Variants in HROB observed in about 807,000 individuals in gnomAD.
HROB encodes homologous recombination factor with OB-fold, also known as homologous recombination OB-fold protein.
In HROB, 44 loss-of-function variants were observed where a neutral mutation model predicts 61.0. The ratio of observed to expected loss-of-function variants is 0.72; its 90% CI spans 0.57 to 0.93. HROB has a LOEUF of 0.93. HROB is among the 40% of genes least tolerant of loss of function. The pLI is 0.00. For missense variants in HROB, 716 were observed against 796.2 expected, an observed-to-expected ratio of 0.90 and a Z score of 1.21; for synonymous variants, 301 against 310.4, an observed-to-expected ratio of 0.97 and a Z score of 0.32.
chr17:44,161,737 C>T, intron 9 of HROB, 134 bp from the exon 10 acceptor site: 1 of 879,662 alleles, frequency 1.1e-6, no homozygotes, highest in Non-Finnish European at 1.9e-6. Flanking sequence ...GGCATGGGTA[C>T]CACTGCCTGG....
intron 2 of HROB, among the ~76,000 whole-genome samples, chr17:44,146,647 C>T (rs2053618612): frequency 6.6e-6 from 1 of 152,158 alleles, no homozygotes; most frequent in Non-Finnish European, 1.5e-5. Flanking sequence ...AAAAGACCAT[C>T]AACCTCCAGA....
chr17:44,160,446 G>A (rs1408864948), intron 9 of HROB, among the ~76,000 whole-genome samples: 4 of 152,210 alleles, frequency 2.6e-5, no homozygotes, highest in Middle Eastern at 3.4e-3. Context: ...GCGGGCGCCT[G>A]TAGTCCAGCT....
In HROB at chr17:44,155,383, T is replaced by A. The variant is rs375554592; in HGVS notation, c.1742T>A (p.Phe581Tyr). 6.2e-7 allele frequency: 1 copy of A among 1,614,028 alleles called. No homozygotes were observed. The highest frequency in any genetic ancestry group is 1.3e-5 in the African/African-American group (1 of 74,916). Reference protein sequence around the residue: ...IYSPDSGDGSFLKPSQPFPKD... With the variant: ...IYSPDSGDGSYLKPSQPFPKD... ...AGCCCGGATTCTGGGGATGGGAGCTTCCTCAAGCCATCTCAGCCCTTCCCC... is the reference window on the plus strand; with the variant it reads ...AGCCCGGATTCTGGGGATGGGAGCTACCTCAAGCCATCTCAGCCCTTCCCC... The change falls in exon 8 of 10, where the codon TTC (phenylalanine) becomes TAC (tyrosine). Residue 581 changes from phenylalanine to tyrosine, a missense_variant. Coordinates refer to ENST00000585683, the MANE Select transcript of HROB (RefSeq NM_001171251.3).
intron 9 of HROB, among the ~76,000 whole-genome samples, chr17:44,159,739 C>T (rs1206351723): frequency 2.0e-5 from 3 of 152,196 alleles, no homozygotes; most frequent in Non-Finnish European, 2.9e-5. Flanking sequence ...CATATGTCAG[C>T]GTTTTTTCTG....
At chr17:44,157,405 CTTTTTTTTTTTTT>C (rs71160088) in intron 8 of HROB, among the ~76,000 whole-genome samples, 1 of 81,484 alleles carries the variant, frequency 1.2e-5, no homozygotes, top group Admixed American at 1.4e-4. Flanking sequence ...CATCATGTTT[CTTTTTTTTTTTTT>C]TTTTTTTTTT....
At chr17:44,155,654 G>A (rs2053949649) in intron 8 of HROB, among the ~76,000 whole-genome samples, 1 of 152,210 alleles carries the variant, frequency 6.6e-6, no homozygotes, top group Non-Finnish European at 1.5e-5. Flanking sequence ...TCTGATGGCA[G>A]GCTTGAACAT....
intron 9 of HROB, among the ~76,000 whole-genome samples, chr17:44,160,630 T>C (rs2054111046): frequency 6.6e-6 from 1 of 152,222 alleles, no homozygotes; most frequent in South Asian, 2.1e-4. Flanking sequence ...ACTTTTCTTA[T>C]TCTGTTTTCT....
intron 3 of HROB, 85 bp downstream of exon 3, chr17:44,149,112 C>G: frequency 6.0e-6 from 8 of 1,334,976 alleles, no homozygotes; most frequent in Non-Finnish European, 8.1e-6. Context: ...TATCTTCCCT[C>G]TTGCAGAGAA....
At chr17:44,144,263 C>T (rs1377386534) in intron 1 of HROB, among the ~76,000 whole-genome samples, 2 of 152,118 alleles carry the variant, frequency 1.3e-5, no homozygotes, top group African/African-American at 4.8e-5. Flanking sequence ...CCTCAGCCTC[C>T]TGAGTAGCTG....
At chr17:44,143,413 G>A (rs1334083233) in intron 1 of HROB, among the ~76,000 whole-genome samples, 1 of 152,134 alleles carries the variant, frequency 6.6e-6, no homozygotes, top group African/African-American at 2.4e-5. Flanking sequence ...GGAGGCTGAG[G>A]TGGGCAGATC....
At chr17:44,155,015 C>G (rs921150093) in intron 7 of HROB, 77 bp downstream of exon 7, 20 of 1,513,908 alleles carry the variant, frequency 1.3e-5, no homozygotes, top group Non-Finnish European at 1.8e-5. Flanking sequence ...GTTTGGCTGC[C>G]TTCCTCTACA....
At chr17:44,143,411 A>G (rs1413320600) in intron 1 of HROB, among the ~76,000 whole-genome samples, 3 of 151,916 alleles carry the variant, frequency 2.0e-5, no homozygotes, top group Admixed American at 6.6e-5. Flanking sequence ...TGGGAGGCTG[A>G]GGTGGGCAGA....
chr17:44,152,497 G>A (rs1355815495), intron 4 of HROB, 140 bp from the exon 5 acceptor site: 3 of 827,688 alleles, frequency 3.6e-6, no homozygotes, highest in East Asian at 5.4e-5. Context: ...ATAAATGAGA[G>A]GAGAGACTGT....
At chr17:44,152,616 C>G (rs2053847935) in intron 4 of HROB, 21 bp from the exon 5 acceptor site, 5 of 1,612,582 alleles carry the variant, frequency 3.1e-6, no homozygotes, top group Admixed American at 1.7e-5. Flanking sequence ...TACAGGCTCC[C>G]CCTCTGCTCT....
chr17:44,147,022 C>G (rs2053628132), intron 2 of HROB, among the ~76,000 whole-genome samples: 1 of 128,656 alleles, frequency 7.8e-6, no homozygotes, highest in African/African-American at 3.0e-5. Flanking sequence ...GTAGCTATCT[C>G]TGTGTAGTGT....
chr17:44,142,393 C>G (rs571336967), intron 1 of HROB, among the ~76,000 whole-genome samples: 1 of 152,174 alleles, frequency 6.6e-6, no homozygotes, highest in Non-Finnish European at 1.5e-5. Context: ...CTGGGAAACC[C>G]CCCTTTCCAG....
chr17:44,157,916 C>G lies in HROB; in HGVS notation c.1854C>G (p.Ser618=). The G allele has an allele frequency of 6.2e-7, 1 of 1,613,290 alleles. No individual in the cohort carries two copies. The highest frequency in any genetic ancestry group is 8.5e-7 in the Non-Finnish European group (1 of 1,179,590). Residue 618 remains serine (S), a synonymous_variant, in exon 9 of 10, where the codon TCC becomes TCG. Coordinates refer to ENST00000585683, the MANE Select transcript of HROB (RefSeq NM_001171251.3). The stretch of plus-strand genomic sequence containing the variant: ...CACAGAACCTAGAGGCAGAGGCGTC[C>G]CCTGAGGAAGAACTCCCAGAAGCAG... ...RTAQNLEAEA[S]PEEELPEADD...
In HROB at chr17:44,148,732, G is replaced by T; in HGVS notation, c.929G>T (p.Gly310Val). The T allele has an allele frequency of 6.2e-7, 1 of 1,614,144 alleles. No homozygotes were observed. Among genetic ancestry groups the T allele is most frequent in the Non-Finnish European group, 8.5e-7 (1 of 1,180,024 alleles). Residue 310 changes from glycine (G) to valine (V), a missense_variant, in exon 3 of 10, where the codon GGC becomes GTC. Gly to Val is a moderately radical substitution (Grantham distance 109). Coordinates refer to ENST00000585683, the MANE Select transcript of HROB (RefSeq NM_001171251.3). Reference sequence around the variant, plus strand: ...CAGTCTCCAAGTTCCTGGTTAAGTGGCAAAGCTCATTTACCCAGACCTCGA... The same window carrying T: ...CAGTCTCCAAGTTCCTGGTTAAGTGTCAAAGCTCATTTACCCAGACCTCGA... Reference protein sequence around the residue: ...PFQSPSSWLSGKAHLPRPRTP... With the variant: ...PFQSPSSWLSVKAHLPRPRTP...
Position 44,154,869 on chromosome 17 carries a change from G to C in HROB, c.1575G>C (p.Thr525=), listed in dbSNP as rs1390963697. 2 of 1,613,938 alleles carry C rather than the reference G, an allele frequency of 1.2e-6. No individual in the cohort carries two copies. The highest frequency in any genetic ancestry group is 1.7e-6 in the Non-Finnish European group (2 of 1,180,018). ...FKDPTGEMQG[T]VHRLLLETCQ... The stretch of plus-strand genomic sequence containing the variant: ...TATTTGCAGGAGAGATGCAGGGGAC[G>C]GTGCACAGGTTGCTGCTGGAGACGT... Residue 525 remains threonine, a synonymous_variant, in exon 7 of 10, where the codon ACG becomes ACC. Coordinates refer to ENST00000585683, the MANE Select transcript of HROB (RefSeq NM_001171251.3).
Sources: allele counts gnomAD v4.1 joint callset (sites outside exome capture counted in the v4.1 genomes callset), GRCh38; gene constraint gnomAD v4.1.1; transcripts MANE v1.5; gene names NCBI Gene and HGNC (gene_info 2026-07-23, HGNC 2026-07-21).